The following KPNA4 variants were observed in gnomAD, a reference collection of about 807,000 sequenced individuals.
KPNA4 encodes the protein importin subunit alpha-3.
In KPNA4, 13 loss-of-function variants were observed where a neutral mutation model predicts 71.3. The observed-to-expected ratio is 0.18, with a 90% CI of 0.12 to 0.29. The LOEUF is 0.29. Ranked by LOEUF, KPNA4 falls within the 10% of genes least tolerant of loss-of-function variation. KPNA4 has a pLI of 1.00. For missense variants in KPNA4, 334 were observed against 603.2 expected, an observed-to-expected ratio of 0.55 and a Z score of 4.67; for synonymous variants, 189 against 195.2, an observed-to-expected ratio of 0.97 and a Z score of 0.26.
intron 1 of KPNA4, among the ~76,000 whole-genome samples, chr3:160,545,038 AG>A (rs1721878140): frequency 6.6e-6 from 1 of 152,256 alleles, no homozygotes. Flanking sequence ...ACCAAAGCTT[AG>A]ATATCCTGGA....
At chr3:160,551,316 G>C (rs1473657815) in intron 1 of KPNA4, among the ~76,000 whole-genome samples, 1 of 152,162 alleles carries the variant, frequency 6.6e-6, no homozygotes. Flanking sequence ...CATATGAAAA[G>C]TAAAAACACT....
At chr3:160,527,195 A>G (rs752845069) in intron 8 of KPNA4, among the ~76,000 whole-genome samples, 9 of 152,188 alleles carry the variant, frequency 5.9e-5, no homozygotes, top group Admixed American at 1.3e-4. Flanking sequence ...CCCCACTCAT[A>G]ACTGTTAGGT....
At chr3:160,521,445 A>C (rs901666951) in intron 11 of KPNA4, among the ~76,000 whole-genome samples, 9 of 152,116 alleles carry the variant, frequency 5.9e-5, no homozygotes, top group African/African-American at 2.2e-4. Context: ...TCAAAAATAG[A>C]AAAAAATTAG....
At chr3:160,527,879 A>G in intron 8 of KPNA4, 74 bp downstream of exon 8, 1 of 1,116,118 alleles carries the variant, frequency 9.0e-7, no homozygotes, top group Admixed American at 1.9e-5. Context: ...TCTCTTTTGG[A>G]TTACTAGTAG....
chr3:160,511,290 AG>A (rs1356309640), intron 13 of KPNA4, among the ~76,000 whole-genome samples: 1 of 151,572 alleles, frequency 6.6e-6, no homozygotes, highest in Non-Finnish European at 1.5e-5. Context: ...TATTTTTAGT[AG>A]AGATGGGGTT....
rs1186322768 is a variant in KPNA4, at chr3:160,539,507, C to T, written c.70-2667G>A. Among the ~76,000 whole-genome samples, 8 of 152,198 alleles carry T rather than the reference C, an allele frequency of 5.3e-5. No homozygotes were observed. In the East Asian group the frequency reaches 1.5e-3, roughly 29 times the overall value. ...ACCCAGACAGTCTCACACAAAGCCACTTAACCACTAAGCCATATTGTTTTC... is the reference window on the plus strand; with the variant it reads ...ACCCAGACAGTCTCACACAAAGCCATTTAACCACTAAGCCATATTGTTTTC... On this transcript the variant is annotated intron_variant, in intron 1 of 16. Coordinates refer to ENST00000334256, the MANE Select transcript of KPNA4 (RefSeq NM_002268.5).
intron 12 of KPNA4, chr3:160,515,177 A>T (rs760805615): frequency 1.9e-6 from 1 of 538,226 alleles, no homozygotes; most frequent in South Asian, 1.4e-5. Context: ...TAATATACAT[A>T]TTAAAAATTT....
chr3:160,514,684 C>T (rs893267733), intron 12 of KPNA4, among the ~76,000 whole-genome samples: 2 of 152,250 alleles, frequency 1.3e-5, no homozygotes, highest in Non-Finnish European at 2.9e-5. Context: ...TTTTAGTATA[C>T]TTATTTGTAA....
At chr3:160,505,752 C>A (rs1314713275) in intron 15 of KPNA4, among the ~76,000 whole-genome samples, 1 of 152,130 alleles carries the variant, frequency 6.6e-6, no homozygotes, top group African/African-American at 2.4e-5. Context: ...TCACTTCTCA[C>A]CTACACACTC....
At chr3:160,528,552 G>A (rs980515629) in intron 7 of KPNA4, among the ~76,000 whole-genome samples, 4 of 152,100 alleles carry the variant, frequency 2.6e-5, no homozygotes, top group African/African-American at 4.8e-5. Context: ...TTTTAGTAGC[G>A]ACAGGGTTTC....
rs563170927 is a variant in KPNA4 at position 160,547,792 on chromosome 3, T to A, written c.70-10952A>T. Reference sequence around the variant, plus strand: ...CTATAGTTTTGCCTTTTAAAGAATGTCATATAGTTGGAAGTATAGAGTATA... The same window carrying A: ...CTATAGTTTTGCCTTTTAAAGAATGACATATAGTTGGAAGTATAGAGTATA... On this transcript the variant is annotated intron_variant, in intron 1 of 16. Coordinates refer to ENST00000334256, the MANE Select transcript of KPNA4 (RefSeq NM_002268.5). Among the ~76,000 whole-genome samples the A allele has an allele frequency of 1.2e-4, 18 of 152,292 alleles. No homozygotes were observed. In the South Asian group the frequency reaches 3.5e-3, roughly 30 times the overall value.
At chr3:160,510,786 C>A (rs1018158411) in intron 13 of KPNA4, among the ~76,000 whole-genome samples, 13 of 151,724 alleles carry the variant, frequency 8.6e-5, no homozygotes, top group African/African-American at 2.9e-4. Flanking sequence ...CAAAAAAAAA[C>A]TTACAAGCTA....
intron 1 of KPNA4, among the ~76,000 whole-genome samples, chr3:160,546,471 T>C (rs1721911000): frequency 6.6e-6 from 1 of 152,032 alleles, no homozygotes. Flanking sequence ...TGAGCCGAGA[T>C]CGCAACACTG....
Position 160,536,949 on chromosome 3 carries a change from A to T in KPNA4, c.70-109T>A, listed in dbSNP as rs529635753. ...ACACCTCTAATCTTTTCTTTTAGCC[A>T]TATGGATATAAAGTCAAATCTTACT... On this transcript the variant is annotated intron_variant, in intron 1 of 16. Coordinates refer to ENST00000334256, the MANE Select transcript of KPNA4 (RefSeq NM_002268.5). 1.7e-4 allele frequency: 89 copies of T among 521,344 alleles called. 1 individual carries two copies. In the South Asian group the frequency reaches 3.2e-3, roughly 19 times the overall value. The allele number at this position is 521,344 out of a possible 1,614,324, so 32.3% of individuals were successfully genotyped here.
intron 1 of KPNA4, among the ~76,000 whole-genome samples, chr3:160,563,191 CCATAAGGATCATTCG>C (rs1722279475): frequency 1.1e-5 from 1 of 93,012 alleles, no homozygotes; most frequent in Non-Finnish European, 2.8e-5. Context: ...GATCATTCGG[CCATAAGGATCATTCG>C]GCCATGAAAC....
intron 13 of KPNA4, 29 bp downstream of exon 13, chr3:160,514,047 TA>T: frequency 2.3e-6 from 3 of 1,311,810 alleles, no homozygotes; most frequent in Non-Finnish European, 3.1e-6. Flanking sequence ...TTACATCAGA[TA>T]AATGATACAT....
chr3:160,543,839 A>G (rs1045905321), intron 1 of KPNA4, among the ~76,000 whole-genome samples: 4 of 152,016 alleles, frequency 2.6e-5, no homozygotes, highest in Admixed American at 2.6e-4. Flanking sequence ...TGTGATGCCA[A>G]AAGGACATGG....
At chr3:160,542,593 G>A (rs949219982) in intron 1 of KPNA4, among the ~76,000 whole-genome samples, 2 of 152,236 alleles carry the variant, frequency 1.3e-5, no homozygotes, top group African/African-American at 2.4e-5. Flanking sequence ...TAAGAAGTAA[G>A]TTTAGTTCAA....
chr3:160,507,118 T>G (rs1308309424), intron 15 of KPNA4, among the ~76,000 whole-genome samples: 2 of 152,214 alleles, frequency 1.3e-5, no homozygotes, highest in African/African-American at 4.8e-5. Context: ...ATGTATTGTT[T>G]ACATTCCAGG....
Sources: allele counts gnomAD v4.1 joint callset (sites outside exome capture counted in the v4.1 genomes callset), GRCh38; gene constraint gnomAD v4.1.1; transcripts MANE v1.5; gene names NCBI Gene and HGNC (gene_info 2026-07-23, HGNC 2026-07-21).